The following ZNF518B variants were observed in gnomAD, a reference collection of about 807,000 sequenced individuals.
ZNF518B encodes zinc finger protein 518B.
In ZNF518B, 23 loss-of-function variants were observed where a neutral mutation model predicts 56.3. That is an observed-to-expected ratio of 0.41 (90% CI 0.29 to 0.58). The LOEUF (loss-of-function observed/expected upper bound fraction) is 0.58, where lower values mean the gene tolerates loss of function less well. Ranked by LOEUF, ZNF518B falls within the 20% of genes least tolerant of loss-of-function variation. The pLI is 0.32. For synonymous variants in ZNF518B, 529 were observed against 465.9 expected (o/e 1.14, Z -1.74); for missense variants, 1,460 against 1,272.1 (o/e 1.15, Z -2.25).
intron 2 of ZNF518B, among the ~76,000 whole-genome samples, chr4:10,448,396 C>A (rs1405501345): frequency 6.6e-6 from 1 of 152,074 alleles, no homozygotes; most frequent in East Asian, 1.9e-4. Context: ...TCCACAGGGG[C>A]TCAAGAGATG....
At chr4:10,454,097 G>A (rs1715433479) in intron 2 of ZNF518B, 1 of 152,204 alleles carries the variant, frequency 6.6e-6, no homozygotes, top group Admixed American at 6.5e-5. Flanking sequence ...TACAGGTGCA[G>A]GTGCACTTGG....
At position 10,444,222 on chromosome 4, in the gene ZNF518B, T is replaced by C. The variant is rs772440691; in HGVS notation, c.2107A>G (p.Thr703Ala). The C allele has an allele frequency of 1.1e-5, 17 of 1,614,088 alleles. No homozygotes were observed. The highest frequency in any genetic ancestry group is 2.7e-5 in the African/African-American group (2 of 74,930). Residue 703 changes from threonine to alanine, a missense_variant, in exon 3 of 3, where the codon ACC becomes GCC. Transcript: ENST00000326756. The part of the protein sequence containing the change: ...GQASKGTSKA[T>A]SEGIQEINVS... Reference sequence around the variant, plus strand: ...TTGATTTCTTGAATACCTTCAGAGGTAGCTTTTGAAGTTCCCTTTGATGCC... The same window carrying C: ...TTGATTTCTTGAATACCTTCAGAGGCAGCTTTTGAAGTTCCCTTTGATGCC...
Position 10,445,436 on chromosome 4 carries a change from G to C in ZNF518B, c.893C>G (p.Ser298Cys), listed in dbSNP as rs555810226. 1.5e-5 allele frequency: 25 copies of C among 1,614,234 alleles called. No individual in the cohort carries two copies. The South Asian group carries it at 2.6e-4, about 17-fold the overall frequency. The change falls in exon 3 of 3, where the codon TCT (serine) becomes TGT (cysteine). Residue 298 changes from serine (S) to cysteine (C), a missense_variant. Physicochemically the swap from Ser to Cys is moderately radical, Grantham distance 112. Coordinates refer to ENST00000326756, the MANE Select transcript of ZNF518B (RefSeq NM_053042.3). ...AAATAGGTTGACTTCATTTGGCTCA[G>C]ACAGGGTCATTTTATTTGGAATACA... ...VVCIPNKMTLSEPNEVNLFEN... is the reference protein window; with the variant it reads ...VVCIPNKMTLCEPNEVNLFEN...
chr4:10,455,922 AAAAC>A (rs1362261316), intron 1 of ZNF518B, among the ~76,000 whole-genome samples: 1 of 152,232 alleles, frequency 6.6e-6, no homozygotes, highest in Non-Finnish European at 1.5e-5. Flanking sequence ...ATTGGTTTCT[AAAAC>A]AATATTTTCT....
At chr4:10,455,639 T>G (rs1220250342) in intron 1 of ZNF518B, among the ~76,000 whole-genome samples, 2 of 152,224 alleles carry the variant, frequency 1.3e-5, no homozygotes, top group Non-Finnish European at 2.9e-5. Flanking sequence ...CATTTTGCAT[T>G]TTTAAGATCT....
chr4:10,440,602 A>G lies in ZNF518B; in HGVS notation c.*2502T>C, dbSNP rs1714629665. On this transcript the variant is annotated 3_prime_UTR_variant, in exon 3 of 3. Transcript: ENST00000326756. The stretch of plus-strand genomic sequence containing the variant: ...TTTTGCTTTCCCATTTTTGACTTCC[A>G]GAAACACTTTTAATTCCTTAAAAAG... 6.6e-6 allele frequency: 1 copy of G among 152,586 alleles called. No homozygotes were observed. Among genetic ancestry groups the G allele is most frequent in the Non-Finnish European group, 1.5e-5 (1 of 68,038 alleles). The allele number at this position is 152,586 out of a possible 1,614,324, so 9.5% of individuals were successfully genotyped here.
intron 2 of ZNF518B, among the ~76,000 whole-genome samples, chr4:10,449,744 T>C (rs1715226569): frequency 6.6e-6 from 1 of 152,210 alleles, no homozygotes; most frequent in Non-Finnish European, 1.5e-5. Flanking sequence ...CTGCCACAAT[T>C]TGCTTACCAA....
Position 10,445,098 on chromosome 4 carries a change from T to G in ZNF518B, c.1231A>C (p.Asn411His), listed in dbSNP as rs1370375810. 6.2e-7 allele frequency: 1 copy of G among 1,614,190 alleles called. No individual in the cohort carries two copies. Residue 411 changes from asparagine to histidine, a missense_variant, in exon 3 of 3, where the codon AAT (asparagine) becomes CAT (histidine). Asn to His is a moderately conservative substitution (Grantham distance 68, BLOSUM62 1). Transcript: ENST00000326756. ...TCAATGCCTACGAGTTTTCCAACAT[T>G]CCCGTCAACTGTCAGTGACTTTGTT... The part of the protein sequence containing the change: ...EKTKSLTVDG[N>H]VGKLVGIDSF...
Position 10,446,144 on chromosome 4 carries a change from T to G in ZNF518B, c.185A>C (p.Lys62Thr). Residue 62 changes from lysine (K) to threonine (T), a missense_variant, in exon 3 of 3, where the codon AAG (lysine) becomes ACG (threonine). Physicochemically the swap from Lys to Thr is moderately conservative, Grantham distance 78. Transcript: ENST00000326756. Reference sequence around the variant, plus strand: ...AGAGATCTTGTGAACACTTTTGCACTTTGCACATGTAGCAATGGTCATCAT... The same window carrying G: ...AGAGATCTTGTGAACACTTTTGCACGTTGCACATGTAGCAATGGTCATCAT... ...AAMMTIATCA[K>T]CKSVHKISLQ... The G allele has an allele frequency of 1.9e-6, 3 of 1,614,210 alleles. No individual in the cohort carries two copies. The highest frequency in any genetic ancestry group is 2.5e-6 in the Non-Finnish European group (3 of 1,180,028).
chr4:10,449,464 A>G (rs1221694769), intron 2 of ZNF518B, among the ~76,000 whole-genome samples: 1 of 152,216 alleles, frequency 6.6e-6, no homozygotes. Context: ...TTCCCTCTAT[A>G]GGCAGCCAAT....
At chr4:10,461,352 G>A (rs1470308331), upstream of ZNF518B, among the ~76,000 whole-genome samples, 2 of 152,180 alleles carry the variant, frequency 1.3e-5, no homozygotes, top group Non-Finnish European at 2.9e-5. Context: ...GCGGAAGCGC[G>A]CAGTGAGGCT....
rs906720382 is a variant in ZNF518B at position 10,457,418 on chromosome 4, G to A, written c.-497C>T. The A allele has an allele frequency of 4.6e-5, 7 of 151,890 alleles. No homozygotes were observed. The highest frequency in any genetic ancestry group is 8.8e-5 in the Non-Finnish European group (6 of 67,930). 9.4% of individuals were successfully genotyped at this position (151,890 alleles called of 1,614,324 possible). ...CCCGCTGTAGGTCCCTACCCGGGGG[G>A]CGGAGCCCGCGCCAGCCCCGCGCGT... On this transcript the variant is annotated 5_prime_UTR_variant, in exon 1 of 3. Coordinates refer to ENST00000326756, the MANE Select transcript of ZNF518B (RefSeq NM_053042.3).
chr4:10,453,644 C>T (rs557795114), intron 2 of ZNF518B: 10 of 152,164 alleles, frequency 6.6e-5, no homozygotes, highest in Middle Eastern at 3.4e-3. Flanking sequence ...TAGTATCACA[C>T]GGCATATTAC....
At chr4:10,447,883 A>C (rs1404002682) in intron 2 of ZNF518B, among the ~76,000 whole-genome samples, 1 of 152,138 alleles carries the variant, frequency 6.6e-6, no homozygotes, top group Non-Finnish European at 1.5e-5. Context: ...CCCTGACCTC[A>C]GGTGATCTGC....
rs558201024 is a variant in ZNF518B, at chr4:10,450,615, C to A, written c.-211-4076G>T. On this transcript the variant is annotated intron_variant, in intron 2 of 2. Coordinates refer to ENST00000326756, the MANE Select transcript of ZNF518B (RefSeq NM_053042.3). ...CACAACGTCCTCCATGGTTCACATC[C>A]AAGTATACACACCTGTGAAGCTGAG... is the stretch of plus-strand genomic sequence containing the variant. 7.2e-5 allele frequency among the ~76,000 whole-genome samples: 11 copies of A among 152,276 alleles called. No homozygotes were observed. The East Asian group carries it at 1.9e-3, about 27-fold the overall frequency.
chr4:10,440,503 G>A lies in ZNF518B; in HGVS notation c.*2601C>T, dbSNP rs567930282. ...CTGCCCCTACTCCCTTGTATTGTTA[G>A]AAATGTGTTTATTTCATAACATGTA... On this transcript the variant is annotated 3_prime_UTR_variant, in exon 3 of 3. Coordinates refer to ENST00000326756, the MANE Select transcript of ZNF518B (RefSeq NM_053042.3). 20 of 152,666 alleles carry A rather than the reference G, an allele frequency of 1.3e-4. No individual in the cohort carries two copies. Among genetic ancestry groups the A allele is most frequent in the Admixed American group, 4.6e-4 (7 of 15,298 alleles). 9.5% of individuals were successfully genotyped at this position (152,666 alleles called of 1,614,324 possible).
rs35322882 is a variant in ZNF518B at position 10,441,439 on chromosome 4, GAAAAA to G, written c.*1660_*1664del. 1.4e-5 allele frequency: 2 copies of G among 140,116 alleles called. No individual in the cohort carries two copies. Among genetic ancestry groups the G allele is most frequent in the East Asian group, 2.1e-4 (1 of 4,846 alleles). The allele number at this position is 140,116 out of a possible 1,614,324, so 8.7% of individuals were successfully genotyped here. A position where few individuals can be genotyped will look rare whatever the true frequency, so the allele number is the denominator to read the frequency against. ...ACTGGAATCTAAGACTTTCCCATGTGAAAAAAAAAAAAAAAAATCAAAGTCTCCAA... is the reference window on the plus strand; with the variant it reads ...ACTGGAATCTAAGACTTTCCCATGTGAAAAAAAAAAAATCAAAGTCTCCAA... On this transcript the variant is annotated 3_prime_UTR_variant, in exon 3 of 3. Transcript: ENST00000326756.
intron 1 of ZNF518B, among the ~76,000 whole-genome samples, chr4:10,456,090 G>A (rs187207542): frequency 6.6e-6 from 1 of 152,122 alleles, no homozygotes; most frequent in Admixed American, 6.5e-5. Context: ...CTTAATTCTT[G>A]GTGATTTCAA....
Position 10,441,552 on chromosome 4 carries a change from C to T in ZNF518B, c.*1552G>A, listed in dbSNP as rs1714682337. The T allele has an allele frequency of 6.6e-6, 1 of 152,628 alleles. No homozygotes were observed. Among genetic ancestry groups the T allele is most frequent in the Non-Finnish European group, 1.5e-5 (1 of 68,050 alleles). 9.5% of individuals were successfully genotyped at this position (152,628 alleles called of 1,614,324 possible). On this transcript the variant is annotated 3_prime_UTR_variant, in exon 3 of 3. Coordinates refer to ENST00000326756, the MANE Select transcript of ZNF518B (RefSeq NM_053042.3). ...TCATTCACTGCACCCCACAAATCGC[C>T]TAAGACAGGAATAGCCCCTGGAGGG... is the stretch of plus-strand genomic sequence containing the variant.
Sources: gnomAD v4.1 joint callset for allele counts (sites outside exome capture counted in the v4.1 genomes callset) on GRCh38, gnomAD v4.1.1 for gene constraint, MANE v1.5 for transcripts, NCBI Gene and HGNC (gene_info 2026-07-23, HGNC 2026-07-21) for gene names.